The following GRIN2A variants were observed in gnomAD, a reference collection of about 807,000 sequenced individuals.
The protein encoded by GRIN2A is glutamate ionotropic receptor NMDA type subunit 2A, also known as glutamate receptor ionotropic, NMDA 2A.
GRIN2A carries 22 observed loss-of-function variants against 113.4 expected under a neutral mutation model. The ratio of observed to expected loss-of-function variants is 0.19; its 90% CI spans 0.14 to 0.28. GRIN2A has a LOEUF of 0.28. GRIN2A is among the 10% of genes least tolerant of loss of function. The pLI is 1.00. For synonymous variants in GRIN2A, 827 were observed against 738.4 expected, an observed-to-expected ratio of 1.12 and a Z score of -1.94; for missense variants, 1,502 against 1,887.0, an observed-to-expected ratio of 0.80 and a Z score of 3.78.
intron 10 of GRIN2A, among the ~76,000 whole-genome samples, chr16:9,800,160 A>G (rs1903274318): frequency 6.6e-6 from 1 of 152,058 alleles, no homozygotes; most frequent in South Asian, 2.1e-4. Context: ...TTTTTAGTAG[A>G]GACAGGGTTT....
At chr16:9,818,472 A>C (rs927952994) in intron 10 of GRIN2A, among the ~76,000 whole-genome samples, 9 of 152,176 alleles carry the variant, frequency 5.9e-5, no homozygotes, top group Admixed American at 5.2e-4. Context: ...TTTCACTACA[A>C]AAAAGATAAA....
At chr16:9,915,559 A>G (rs913529333) in intron 3 of GRIN2A, among the ~76,000 whole-genome samples, 1 of 152,178 alleles carries the variant, frequency 6.6e-6, no homozygotes, top group Non-Finnish European at 1.5e-5. Flanking sequence ...TGCTCCTAAA[A>G]CTTGTATGTT....
chr16:9,828,877 T>C (rs541199261), intron 9 of GRIN2A, among the ~76,000 whole-genome samples: 1 of 152,306 alleles, frequency 6.6e-6, no homozygotes, highest in South Asian at 2.1e-4. Context: ...TCTGCTCCTT[T>C]TGTGTGCCTT....
At chr16:9,826,727 C>T (rs2141304876) in intron 9 of GRIN2A, among the ~76,000 whole-genome samples, 1 of 152,246 alleles carries the variant, frequency 6.6e-6, no homozygotes, top group South Asian at 2.1e-4. Context: ...CAGCTTGCCT[C>T]TAATGTTTTC....
chr16:10,002,978 ATAAACTTTTAAGCATTAAC>A (rs1267918186), intron 2 of GRIN2A, among the ~76,000 whole-genome samples: 1 of 152,236 alleles, frequency 6.6e-6, no homozygotes. Context: ...GTAAAATGGA[ATAAACTTTTAAGCATTAAC>A]TAGCAGAAAA....
At chr16:9,894,131 G>A (rs543240328) in intron 3 of GRIN2A, among the ~76,000 whole-genome samples, 31 of 152,128 alleles carry the variant, frequency 2.0e-4, no homozygotes, top group Non-Finnish European at 3.8e-4. Context: ...TCTGGGCAGA[G>A]GCATCATCTT....
At chr16:9,887,389 C>G (rs1054626953) in intron 4 of GRIN2A, among the ~76,000 whole-genome samples, 1 of 152,158 alleles carries the variant, frequency 6.6e-6, no homozygotes, top group Non-Finnish European at 1.5e-5. Flanking sequence ...CCATAGGGAA[C>G]GTTTGCCTCC....
At position 9,756,065 on chromosome 16, in the gene GRIN2A, A is replaced by G. The variant is rs551347981; in HGVS notation, c.*7084T>C. 1 of 224,288 alleles carries G rather than the reference A, an allele frequency of 4.5e-6. No homozygotes were observed. The highest frequency in any genetic ancestry group is 8.9e-6 in the Non-Finnish European group (1 of 112,292). The allele number at this position is 224,288 out of a possible 1,614,324, so 13.9% of individuals were successfully genotyped here. A position where few individuals can be genotyped will look rare whatever the true frequency, so the allele number is the denominator to read the frequency against. On this transcript the variant is annotated 3_prime_UTR_variant, in exon 13 of 13. Transcript: ENST00000330684. ...GAGGAATAGTCAACTTGCAAATAAT[A>G]TCACCTCTTTGAACATGGGTCACAA...
At chr16:10,126,194 G>T (rs1048607740) in intron 2 of GRIN2A, among the ~76,000 whole-genome samples, 2 of 149,332 alleles carry the variant, frequency 1.3e-5, no homozygotes, top group African/African-American at 2.5e-5. Flanking sequence ...ATAGGATCTC[G>T]CTCTGTCGCC....
intron 2 of GRIN2A, among the ~76,000 whole-genome samples, chr16:10,011,901 C>T (rs998129195): frequency 1.3e-5 from 2 of 152,120 alleles, no homozygotes; most frequent in African/African-American, 4.8e-5. Flanking sequence ...CATAGTTTCA[C>T]CCTATAACTC....
At chr16:9,872,412 T>C (rs1194873715) in intron 4 of GRIN2A, among the ~76,000 whole-genome samples, 2 of 152,164 alleles carry the variant, frequency 1.3e-5, no homozygotes, top group East Asian at 3.9e-4. Context: ...CTCTTGGCAT[T>C]GATTTTGTAT....
At position 10,020,602 on chromosome 16, in the gene GRIN2A, T is replaced by C. The variant is rs1386321566; in HGVS notation, c.415-82051A>G. 2.6e-5 allele frequency among the ~76,000 whole-genome samples: 4 copies of C among 152,254 alleles called. No individual in the cohort carries two copies. The East Asian group carries it at 7.7e-4, about 29-fold the overall frequency. The stretch of plus-strand genomic sequence containing the variant: ...GAAAAACTAAGGAGAACATGAACTC[T>C]GGATTCAAGAGAGTCATACTAGCTA... On this transcript the variant is annotated intron_variant, in intron 2 of 12. Transcript: ENST00000330684.
chr16:10,110,108 G>C (rs999869684), intron 2 of GRIN2A, among the ~76,000 whole-genome samples: 1 of 147,500 alleles, frequency 6.8e-6, no homozygotes, highest in Non-Finnish European at 1.5e-5. Context: ...GTGTCCATGT[G>C]TTCTCATTGT....
intron 4 of GRIN2A, among the ~76,000 whole-genome samples, chr16:9,865,241 G>A (rs1164409323): frequency 5.3e-5 from 8 of 152,110 alleles, no homozygotes. Flanking sequence ...GGTTCCCTTG[G>A]GATGGGATGG....
intron 3 of GRIN2A, among the ~76,000 whole-genome samples, chr16:9,903,324 C>G (rs938839165): frequency 6.6e-5 from 10 of 152,106 alleles, no homozygotes; most frequent in African/African-American, 2.4e-4. Context: ...TACATTGCCT[C>G]CTGCTATTCT....
At chr16:9,819,744 A>C (rs924282676) in intron 10 of GRIN2A, among the ~76,000 whole-genome samples, 1 of 151,910 alleles carries the variant, frequency 6.6e-6, no homozygotes, top group African/African-American at 2.4e-5. Flanking sequence ...CAGGAGGATC[A>C]CCTGAGCTCA....
At chr16:10,027,843 T>C (rs915285893) in intron 2 of GRIN2A, 2 of 153,028 alleles carry the variant, frequency 1.3e-5, no homozygotes, top group Non-Finnish European at 2.9e-5. Flanking sequence ...GTGCTCCTCC[T>C]CTCTCCTCCC....
At chr16:9,791,768 A>G (rs550922944) in intron 11 of GRIN2A, among the ~76,000 whole-genome samples, 2 of 152,136 alleles carry the variant, frequency 1.3e-5, no homozygotes, top group South Asian at 2.1e-4. Flanking sequence ...GTCAAAAGCT[A>G]TCTTGTATGC....
intron 2 of GRIN2A, among the ~76,000 whole-genome samples, chr16:10,070,821 T>C (rs1333387842): frequency 1.3e-5 from 2 of 152,238 alleles, no homozygotes; most frequent in Admixed American, 6.5e-5. Context: ...GGACCGCTTA[T>C]AGAGAAGACA....
Sources: gnomAD v4.1 joint callset for allele counts (sites outside exome capture counted in the v4.1 genomes callset) on GRCh38, gnomAD v4.1.1 for gene constraint, MANE v1.5 for transcripts, NCBI Gene and HGNC (gene_info 2026-07-23, HGNC 2026-07-21) for gene names.